The following LSR variants were observed in gnomAD, a reference collection of about 807,000 sequenced individuals.
The protein encoded by LSR is lipolysis stimulated lipoprotein receptor, also known as lipolysis-stimulated lipoprotein receptor.
A neutral mutation model predicts 61.8 loss-of-function variants in LSR; 44 were observed. The ratio of observed to expected loss-of-function variants is 0.71; its 90% CI spans 0.56 to 0.91. The LOEUF is 0.91. Ranked by LOEUF, LSR falls within the 40% of genes least tolerant of loss-of-function variation. The pLI is 0.00. For missense variants in LSR, 911 were observed against 830.5 expected, an observed-to-expected ratio of 1.10 and a Z score of -1.19; for synonymous variants, 397 against 350.6, an observed-to-expected ratio of 1.13 and a Z score of -1.48.
In LSR at chr19:35,267,175, T is replaced by C; in HGVS notation, c.1211T>C (p.Leu404Pro). The change falls in exon 9 of 10, where the codon CTC (leucine) becomes CCC (proline). Residue 404 changes from leucine (L) to proline (P), a missense_variant. Physicochemically the swap from Leu to Pro is moderately conservative, Grantham distance 98 (BLOSUM62 -3). Coordinates refer to ENST00000605618, the MANE Select transcript of LSR (RefSeq NM_205834.4). ...TCTCGGCCTTCCCGGGGCCCTGCCCTCACCCCGATCCGGGATGAGGAGTGG... is the reference window on the plus strand; with the variant it reads ...TCTCGGCCTTCCCGGGGCCCTGCCCCCACCCCGATCCGGGATGAGGAGTGG... ...WRSRPSRGPA[L>P]TPIRDEEWGG... 3.3e-6 allele frequency: 5 copies of C among 1,525,558 alleles called. No individual in the cohort carries two copies. The highest frequency in any genetic ancestry group is 4.4e-6 in the Non-Finnish European group (5 of 1,140,262). The allele number at this position is 1,525,558 out of a possible 1,614,324, so 94.5% of individuals were successfully genotyped here. A position where few individuals can be genotyped will look rare whatever the true frequency, so the allele number is the denominator to read the frequency against.
intron 1 of LSR, 200 bp downstream of exon 1, chr19:35,249,331 T>C: frequency 1.6e-6 from 1 of 608,546 alleles, no homozygotes; most frequent in East Asian, 3.3e-5. Context: ...CCCCGCGCCC[T>C]TATCTGGAAG....
intron 2 of LSR, among the ~76,000 whole-genome samples, chr19:35,258,181 C>T (rs966447131): frequency 9.9e-5 from 15 of 152,046 alleles, no homozygotes; most frequent in African/African-American, 3.6e-4. Flanking sequence ...TGGTGGTTCA[C>T]GCCTGTAATC....
Position 35,267,765 on chromosome 19 carries a change from G to A in LSR, c.1770+31G>A. On this transcript the variant is annotated intron_variant, in intron 9 of 9. Coordinates refer to ENST00000605618, the MANE Select transcript of LSR (RefSeq NM_205834.4). Reference sequence around the variant, plus strand: ...GGCCGCCCTCCCTGGCGTCCAGACCGTCCCTGGGCCCCCAGCCGGTCCCCG... The same window carrying A: ...GGCCGCCCTCCCTGGCGTCCAGACCATCCCTGGGCCCCCAGCCGGTCCCCG... The A allele has an allele frequency of 1.9e-6, 3 of 1,613,130 alleles. No individual in the cohort carries two copies. In the South Asian group the frequency reaches 3.3e-5, roughly 18 times the overall value.
intron 2 of LSR, among the ~76,000 whole-genome samples, chr19:35,257,616 G>A (rs552590778): frequency 4.6e-5 from 7 of 152,138 alleles, no homozygotes; most frequent in African/African-American, 9.7e-5. Context: ...AGGGCAGCGC[G>A]TCCTTGGGAA....
At chr19:35,262,996 C>T (rs1041066696) in intron 5 of LSR, 1 of 296,402 alleles carries the variant, frequency 3.4e-6, no homozygotes, top group Non-Finnish European at 6.3e-6. Context: ...AAAACCAAAT[C>T]TTGGCTAGGC....
rs1968385441 is a variant in LSR, at chr19:35,249,149, T to C, written c.109+18T>C. 1.3e-6 allele frequency: 2 copies of C among 1,518,536 alleles called. No individual in the cohort carries two copies. The highest frequency in any genetic ancestry group is 1.8e-6 in the Non-Finnish European group (2 of 1,139,258). 94.1% of individuals were successfully genotyped at this position (1,518,536 alleles called of 1,614,324 possible). ...GTGCACAGGTACGGGGCACGGGGCC[T>C]CTGACGCTGCGGAACGCCGGAGGGA... On this transcript the variant is annotated intron_variant, in intron 1 of 9. Transcript: ENST00000605618.
intron 3 of LSR, among the ~76,000 whole-genome samples, chr19:35,261,271 A>G (rs1489075393): frequency 6.6e-6 from 1 of 152,106 alleles, no homozygotes; most frequent in Non-Finnish European, 1.5e-5. Context: ...ATATGTGGGT[A>G]TTTTTGCCTT....
At chr19:35,259,222 C>T (rs1289841154) in intron 3 of LSR, 158 bp downstream of exon 3, 1 of 897,338 alleles carries the variant, frequency 1.1e-6, no homozygotes. Context: ...TTAGGCTCCC[C>T]TGTGCCCTGC....
chr19:35,252,814 A>G (rs1205823996), intron 2 of LSR, among the ~76,000 whole-genome samples: 1 of 151,966 alleles, frequency 6.6e-6, no homozygotes, highest in Admixed American at 6.6e-5. Flanking sequence ...GGAGTTTGAG[A>G]CCAGCCTGGA....
At chr19:35,266,303 TG>T in intron 5 of LSR, 55 bp from the exon 6 acceptor site, 1 of 1,466,944 alleles carries the variant, frequency 6.8e-7, no homozygotes, top group Non-Finnish European at 9.2e-7. Context: ...CCAATGGGTA[TG>T]GGGCAGCCTG....
chr19:35,260,742 G>T (rs934862656), intron 3 of LSR, among the ~76,000 whole-genome samples: 1 of 152,032 alleles, frequency 6.6e-6, no homozygotes. Context: ...CAGGAGTATC[G>T]CTTGCACCCA....
intron 3 of LSR, 71 bp downstream of exon 3, chr19:35,259,135 G>A (rs2065893320): frequency 6.4e-7 from 1 of 1,551,570 alleles, no homozygotes; most frequent in African/African-American, 1.4e-5. Flanking sequence ...GCCCTCCCCT[G>A]TGTCCGCCCT....
chr19:35,258,395 G>A (rs1055376779), intron 2 of LSR, among the ~76,000 whole-genome samples: 3 of 151,862 alleles, frequency 2.0e-5, no homozygotes, highest in Non-Finnish European at 4.4e-5. Context: ...GTAGTGAGCC[G>A]AGATTAGTTC....
At position 35,259,337 on chromosome 19, in the gene LSR, T is replaced by A. The variant is rs375532824; in HGVS notation, c.574+273T>A. ...CTCTGCCTTTTCAAAGTCTCATTTTTAAAAAAAATCCAGACTTGGGGTCCG... is the reference window on the plus strand; with the variant it reads ...CTCTGCCTTTTCAAAGTCTCATTTTAAAAAAAAATCCAGACTTGGGGTCCG... On this transcript the variant is annotated intron_variant, in intron 3 of 9. Coordinates refer to ENST00000605618, the MANE Select transcript of LSR (RefSeq NM_205834.4). 552 of 298,734 alleles carry A rather than the reference T, an allele frequency of 1.8e-3. 4 individuals carry two copies. The highest frequency in any genetic ancestry group is 0.011 in the African/African-American group (486 of 44,826). 18.5% of individuals were successfully genotyped at this position (298,734 alleles called of 1,614,324 possible). A position where few individuals can be genotyped will look rare whatever the true frequency, so the allele number is the denominator to read the frequency against.
At chr19:35,251,686 T>A (rs937729506) in intron 2 of LSR, 2 of 152,170 alleles carry the variant, frequency 1.3e-5, no homozygotes, top group Non-Finnish European at 2.9e-5. Flanking sequence ...AGAAAGCCTG[T>A]GACATGCCAG....
rs1016484474 is a variant in LSR, at chr19:35,266,586, A to G, written c.952+54A>G. 4 of 1,602,238 alleles carry G rather than the reference A, an allele frequency of 2.5e-6. No homozygotes were observed. In the Admixed American group the frequency reaches 5.1e-5, roughly 20 times the overall value. On this transcript the variant is annotated intron_variant, in intron 6 of 9. Coordinates refer to ENST00000605618, the MANE Select transcript of LSR (RefSeq NM_205834.4). ...GTGGGAGTGTGCTGGGCATCTGGACACTGAGGGGCAGGGGCTGGAAGGAAG... is the reference window on the plus strand; with the variant it reads ...GTGGGAGTGTGCTGGGCATCTGGACGCTGAGGGGCAGGGGCTGGAAGGAAG...
At position 35,267,318 on chromosome 19, in the gene LSR, C is replaced by G; in HGVS notation, c.1354C>G (p.Leu452Val). The part of the protein sequence containing the change: ...RARSVDALDD[L>V]TPPSTAESGS... ...CCGCTCCGTGGACGCCCTGGACGAC[C>G]TCACCCCGCCGAGCACCGCCGAGTC... is the stretch of plus-strand genomic sequence containing the variant. The change falls in exon 9 of 10, where the codon CTC (leucine) becomes GTC (valine). Residue 452 changes from leucine (L) to valine (V), a missense_variant. Transcript: ENST00000605618. 1 of 1,557,570 alleles carries G rather than the reference C, an allele frequency of 6.4e-7. No homozygotes were observed. The highest frequency in any genetic ancestry group is 2.4e-5 in the East Asian group (1 of 41,706).
chr19:35,265,896 C>T (rs981200704), intron 5 of LSR, among the ~76,000 whole-genome samples: 6 of 152,146 alleles, frequency 3.9e-5, no homozygotes, highest in Non-Finnish European at 2.9e-5. Flanking sequence ...TACTTGATTT[C>T]GGCTTGTGGG....
chr19:35,249,145 G>T lies in LSR; in HGVS notation c.109+14G>T. 1 of 1,521,146 alleles carries T rather than the reference G, an allele frequency of 6.6e-7. No homozygotes were observed. The highest frequency in any genetic ancestry group is 8.8e-7 in the Non-Finnish European group (1 of 1,140,026). 94.2% of individuals were successfully genotyped at this position (1,521,146 alleles called of 1,614,324 possible). A position where few individuals can be genotyped will look rare whatever the true frequency, so the allele number is the denominator to read the frequency against. On this transcript the variant is annotated intron_variant, in intron 1 of 9. Transcript: ENST00000605618. ...CCTGGTGCACAGGTACGGGGCACGG[G>T]GCCTCTGACGCTGCGGAACGCCGGA... is the stretch of plus-strand genomic sequence containing the variant.
Sources: gnomAD v4.1 joint callset for allele counts (sites outside exome capture counted in the v4.1 genomes callset) on GRCh38, gnomAD v4.1.1 for gene constraint, MANE v1.5 for transcripts, NCBI Gene and HGNC (gene_info 2026-07-23, HGNC 2026-07-21) for gene names.